Variants in DDX4 observed in about 807,000 individuals in gnomAD.
DDX4 encodes probable ATP-dependent RNA helicase DDX4.
A neutral mutation model predicts 100.0 loss-of-function variants in DDX4; 25 were observed. That is an observed-to-expected ratio of 0.25 (90% CI 0.18 to 0.35). The LOEUF (loss-of-function observed/expected upper bound fraction) is 0.35. Among genes scored for constraint, DDX4 ranks in the 10% least tolerant of loss-of-function variants. The probability of loss-of-function intolerance (pLI) is 1.00; values close to 1 mark genes in which losing one functional copy is unlikely to be tolerated. For missense variants in DDX4, 635 were observed against 882.4 expected (o/e 0.72, Z 3.55); for synonymous variants, 259 against 275.7 (o/e 0.94, Z 0.60).
At chr5:55,743,911 CTTT>C (rs35808138) in intron 2 of DDX4, among the ~76,000 whole-genome samples, 7 of 113,442 alleles carry the variant, frequency 6.2e-5, no homozygotes, top group East Asian at 2.7e-4. Context: ...TAAAACCAGC[CTTT>C]TTTTTTTTTT....
At chr5:55,769,063 T>C (rs1741105540) in intron 7 of DDX4, among the ~76,000 whole-genome samples, 1 of 152,164 alleles carries the variant, frequency 6.6e-6, no homozygotes, top group Non-Finnish European at 1.5e-5. Flanking sequence ...TCCCATTCTG[T>C]AGGTTGTCTG....
rs1331309693 is a variant in DDX4 at position 55,790,599 on chromosome 5, T to C, written c.1196T>C (p.Ile399Thr). 2.5e-6 allele frequency: 4 copies of C among 1,598,742 alleles called. No individual in the cohort carries two copies. The highest frequency in any genetic ancestry group is 3.4e-6 in the Non-Finnish European group (4 of 1,166,198). The change falls in exon 16 of 22, where the codon ATA (isoleucine) becomes ACA (threonine). Residue 399 changes from isoleucine (I) to threonine (T), a missense_variant. Transcript: ENST00000505374. ...AGGACTTGTGTAAGAGCTGTTGTTA[T>C]ATATGGGGGAACCCAGCTGGGACAT... ...SFGTCVRAVV[I>T]YGGTQLGHSI... is the part of the protein sequence containing the mutation.
intron 6 of DDX4, among the ~76,000 whole-genome samples, chr5:55,766,156 T>G (rs977160909): frequency 7.9e-5 from 12 of 151,988 alleles, no homozygotes; most frequent in African/African-American, 2.9e-4. Flanking sequence ...GTAACTAATC[T>G]TGGTATCATT....
chr5:55,746,128 G>A (rs1351558218), intron 2 of DDX4, 36 bp from the exon 3 acceptor site: 3 of 1,532,184 alleles, frequency 2.0e-6, no homozygotes, highest in African/African-American at 2.8e-5. Flanking sequence ...CATATTCAAA[G>A]TAGGAAACTA....
intron 15 of DDX4, among the ~76,000 whole-genome samples, chr5:55,788,752 A>G (rs774084358): frequency 3.9e-5 from 6 of 152,142 alleles, no homozygotes; most frequent in Admixed American, 1.3e-4. Flanking sequence ...CAAAATTGCA[A>G]TGTACATCTT....
chr5:55,748,100 G>C (rs1273854732), intron 3 of DDX4, among the ~76,000 whole-genome samples: 6 of 152,118 alleles, frequency 3.9e-5, no homozygotes, highest in African/African-American at 1.4e-4. Flanking sequence ...CAAAAGTTAA[G>C]TTTAAAAGAG....
intron 17 of DDX4, among the ~76,000 whole-genome samples, chr5:55,793,692 A>G: frequency 6.6e-6 from 1 of 152,182 alleles, no homozygotes; most frequent in East Asian, 1.9e-4. Flanking sequence ...GCTCTCCTGG[A>G]TTCCCAGACT....
intron 5 of DDX4, 80 bp from the exon 6 acceptor site, chr5:55,763,934 A>T (rs778595555): frequency 2.1e-6 from 2 of 958,804 alleles, no homozygotes; most frequent in Non-Finnish European, 3.4e-6. Flanking sequence ...CTTAGAAGGC[A>T]TCATAACTAG....
rs1374896985 is a variant in DDX4 at position 55,760,301 on chromosome 5, A to G, written c.205+24A>G. On this transcript the variant is annotated intron_variant, in intron 4 of 21. Transcript: ENST00000505374. ...AGGTAAGCATCTTTGTCTTTCCTTAATCTCCTGAACTGTTGAATAATTGGA... is the reference window on the plus strand; with the variant it reads ...AGGTAAGCATCTTTGTCTTTCCTTAGTCTCCTGAACTGTTGAATAATTGGA... 13 of 1,539,356 alleles carry G rather than the reference A, an allele frequency of 8.4e-6. No homozygotes were observed. The Admixed American group carries it at 3.0e-4, about 36-fold the overall frequency.
intron 14 of DDX4, among the ~76,000 whole-genome samples, 165 bp downstream of exon 14, chr5:55,786,835 G>A (rs572997710): frequency 4.6e-5 from 7 of 152,208 alleles, no homozygotes; most frequent in African/African-American, 9.6e-5. Flanking sequence ...TGTGTACTTC[G>A]GAAGAAAGAA....
chr5:55,814,619 T>C (rs1386451305), intron 19 of DDX4, among the ~76,000 whole-genome samples: 1 of 152,156 alleles, frequency 6.6e-6, no homozygotes, highest in Non-Finnish European at 1.5e-5. Context: ...GCCTCCCTAG[T>C]AGCTGGAATT....
chr5:55,799,792 G>C (rs1743183853), intron 18 of DDX4, among the ~76,000 whole-genome samples: 1 of 152,078 alleles, frequency 6.6e-6, no homozygotes, highest in African/African-American at 2.4e-5. Flanking sequence ...TCATAGGCTA[G>C]GTCTACTTAC....
chr5:55,815,418 A>G lies in DDX4; in HGVS notation c.2092A>G (p.Arg698Gly). The G allele has an allele frequency of 6.2e-7, 1 of 1,609,322 alleles. No homozygotes were observed. Among genetic ancestry groups the G allele is most frequent in the Non-Finnish European group, 8.5e-7 (1 of 1,178,978 alleles). The change falls in exon 21 of 22, where the codon AGA (arginine) becomes GGA (glycine). Residue 698 changes from arginine (R) to glycine (G), a missense_variant. Physicochemically the swap from Arg to Gly is moderately radical, Grantham distance 125 (BLOSUM62 -2). Coordinates refer to ENST00000505374, the MANE Select transcript of DDX4 (RefSeq NM_024415.3). ...AAACGTGTTTGCATCAGTTGATACCAGAAAGGTTAGTAGAAAGGAAAACTT... is the reference window on the plus strand; with the variant it reads ...AAACGTGTTTGCATCAGTTGATACCGGAAAGGTTAGTAGAAAGGAAAACTT... Reference protein sequence around the residue: ...RGNVFASVDTRKGKSTLNTAG... With the variant: ...RGNVFASVDTGKGKSTLNTAG...
intron 6 of DDX4, 30 bp downstream of exon 6, chr5:55,764,094 T>C (rs1017292973): frequency 6.6e-7 from 1 of 1,523,186 alleles, no homozygotes; most frequent in Non-Finnish European, 9.1e-7. Flanking sequence ...GTTTTAAAAT[T>C]TAATGTCAAG....
At chr5:55,776,193 G>A (rs1741550558) in intron 7 of DDX4, among the ~76,000 whole-genome samples, 1 of 152,154 alleles carries the variant, frequency 6.6e-6, no homozygotes, top group African/African-American at 2.4e-5. Flanking sequence ...GTGATTAAAG[G>A]TAAAGATTAA....
intron 2 of DDX4, among the ~76,000 whole-genome samples, chr5:55,744,869 C>T (rs562464881): frequency 6.9e-6 from 1 of 143,934 alleles, no homozygotes; most frequent in East Asian, 2.1e-4. Context: ...ACAGTGAATC[C>T]TTTTTTTTCT....
chr5:55,765,249 T>C (rs1232386902), intron 6 of DDX4, among the ~76,000 whole-genome samples: 1 of 151,804 alleles, frequency 6.6e-6, no homozygotes, highest in Admixed American at 6.6e-5. Flanking sequence ...CCTTTCTACC[T>C]ACTTGACCCC....
At chr5:55,814,045 T>A (rs1215478582) in intron 19 of DDX4, among the ~76,000 whole-genome samples, 3 of 152,170 alleles carry the variant, frequency 2.0e-5, no homozygotes, top group African/African-American at 2.4e-5. Flanking sequence ...AGTGGAAATT[T>A]CTCAAGAGAT....
At chr5:55,766,855 G>T (rs1376629776) in intron 6 of DDX4, 21 of 1,486,040 alleles carry the variant, frequency 1.4e-5, no homozygotes, top group Middle Eastern at 1.9e-4. Flanking sequence ...CTTCTGGAAA[G>T]CCTGATGTCA....
Sources: allele counts gnomAD v4.1 joint callset (sites outside exome capture counted in the v4.1 genomes callset), GRCh38; gene constraint gnomAD v4.1.1; transcripts MANE v1.5; gene names NCBI Gene and HGNC (gene_info 2026-07-23, HGNC 2026-07-21).